Variants in RNF216 observed in about 807,000 individuals in gnomAD.
RNF216 encodes the protein ring finger protein 216.
Under a neutral mutation model 110.8 loss-of-function variants are expected in RNF216, and 72 were observed. The observed-to-expected ratio is 0.65, with a 90% CI of 0.54 to 0.79. The LOEUF is 0.79. RNF216 is among the 30% of genes least tolerant of loss of function. The pLI is 0.00. For missense variants in RNF216, 1,342 were observed against 1,141.2 expected, an observed-to-expected ratio of 1.18 and a Z score of -2.54; for synonymous variants, 495 against 407.5, an observed-to-expected ratio of 1.21 and a Z score of -2.59.
chr7:5,696,640 C>T lies in RNF216; in HGVS notation c.2061+15121G>A, dbSNP rs891787945. ...CCTCTTCCTTGGCTGCTGCCATCCTCGCTTTTGACTACTGCCCCACGTCTC... is the reference window on the plus strand; with the variant it reads ...CCTCTTCCTTGGCTGCTGCCATCCTTGCTTTTGACTACTGCCCCACGTCTC... On this transcript the variant is annotated intron_variant, in intron 13 of 16. Transcript: ENST00000389902. The surrounding 1 kb of genome is among the most constrained non-coding windows in gnomAD (Gnocchi z 5.4). Among the ~76,000 whole-genome samples, 8 of 152,196 alleles carry T rather than the reference C, an allele frequency of 5.3e-5. No homozygotes were observed. Among genetic ancestry groups the T allele is most frequent in the African/African-American group, 1.9e-4 (8 of 41,436 alleles).
chr7:5,738,364 T>A (rs1333984048), intron 5 of RNF216, among the ~76,000 whole-genome samples: 2 of 152,028 alleles, frequency 1.3e-5, no homozygotes, highest in African/African-American at 4.8e-5. Flanking sequence ...GTGCCAGAAT[T>A]AAAGGTGTGA....
chr7:5,775,555 C>T (rs1796726219), intron 1 of RNF216, among the ~76,000 whole-genome samples: 1 of 151,978 alleles, frequency 6.6e-6, no homozygotes, highest in African/African-American at 2.4e-5. Context: ...TGAGTTAATC[C>T]CTTTGACTTC....
At chr7:5,646,836 T>A (rs546041376) in intron 14 of RNF216, among the ~76,000 whole-genome samples, 1 of 152,112 alleles carries the variant, frequency 6.6e-6, no homozygotes, top group Non-Finnish European at 1.5e-5. Context: ...ATCTTTGCAG[T>A]TGGAGTACTC....
At chr7:5,663,586 G>GAAAAAA (rs35905773) in intron 13 of RNF216, among the ~76,000 whole-genome samples, 2 of 80,108 alleles carry the variant, frequency 2.5e-5, no homozygotes, top group Non-Finnish European at 4.6e-5. Context: ...TCCACCTCAG[G>GAAAAAA]AAAAAAAAAA....
At chr7:5,702,373 C>T (rs896848526) in intron 13 of RNF216, among the ~76,000 whole-genome samples, 1 of 152,050 alleles carries the variant, frequency 6.6e-6, no homozygotes, top group African/African-American at 2.4e-5. Context: ...TCCACAGGGC[C>T]AAGCAGAAAC....
Position 5,632,875 on chromosome 7 carries a change from C to T in RNF216, c.2382+8279G>A, listed in dbSNP as rs141362333. Among the ~76,000 whole-genome samples, 233 of 152,266 alleles carry T rather than the reference C, an allele frequency of 1.5e-3. 1 individual carries two copies. The highest frequency in any genetic ancestry group is 5.1e-3 in the African/African-American group (211 of 41,564). ...CCAATGAGTACCATGACGAAGCACA[C>T]GAATGGCACCACAGTGGGCAGTGCA... is the stretch of plus-strand genomic sequence containing the variant. On this transcript the variant is annotated intron_variant, in intron 15 of 16. Coordinates refer to ENST00000389902, the MANE Select transcript of RNF216 (RefSeq NM_207111.4).
intron 15 of RNF216, among the ~76,000 whole-genome samples, chr7:5,635,494 CAGG>C (rs1562775446): frequency 3.7e-4 from 56 of 152,204 alleles, no homozygotes; most frequent in African/African-American, 1.2e-3. Context: ...CTTTCCTTAC[CAGG>C]TTTCTGCGTT....
At chr7:5,749,150 T>C (rs1290098316) in intron 3 of RNF216, among the ~76,000 whole-genome samples, 2 of 1,274 alleles carry the variant, frequency 1.6e-3, no homozygotes, top group African/African-American at 6.4e-3. Context: ...TGCCCATGTA[T>C]TTTTTTTTTT....
intron 13 of RNF216, among the ~76,000 whole-genome samples, chr7:5,707,483 C>T (rs1051494818): frequency 2.6e-5 from 4 of 151,942 alleles, no homozygotes; most frequent in African/African-American, 9.7e-5. Flanking sequence ...ATTTTGTATC[C>T]TGCACCTTTA....
At chr7:5,629,360 G>A (rs1418196741) in intron 15 of RNF216, among the ~76,000 whole-genome samples, 5 of 152,026 alleles carry the variant, frequency 3.3e-5, no homozygotes, top group Admixed American at 3.3e-4. Context: ...GGCTATTTGT[G>A]GGGCTGAGGT....
chr7:5,737,750 A>G (rs1231829606), intron 5 of RNF216, among the ~76,000 whole-genome samples: 1 of 152,060 alleles, frequency 6.6e-6, no homozygotes, highest in Non-Finnish European at 1.5e-5. Context: ...ACTACAGTAT[A>G]AGATAGGAAC....
At chr7:5,732,221 T>G (rs1340013559) in intron 5 of RNF216, among the ~76,000 whole-genome samples, 1 of 152,288 alleles carries the variant, frequency 6.6e-6, no homozygotes, top group African/African-American at 2.4e-5. Context: ...TGCACTGAGG[T>G]TATGCAAACC....
chr7:5,644,253 AGCCAAC>A (rs1787916001), intron 14 of RNF216, among the ~76,000 whole-genome samples: 2 of 152,140 alleles, frequency 1.3e-5, no homozygotes, highest in Admixed American at 1.3e-4. Context: ...TATTGGGGAA[AGCCAAC>A]TGTTAACTAT....
At chr7:5,771,167 T>C (rs1796474285) in intron 1 of RNF216, among the ~76,000 whole-genome samples, 1 of 152,188 alleles carries the variant, frequency 6.6e-6, no homozygotes, top group African/African-American at 2.4e-5. Context: ...GTGGAAAACA[T>C]GACCTTTCTA....
chr7:5,667,786 C>A (rs1789623588), intron 13 of RNF216, among the ~76,000 whole-genome samples: 2 of 152,178 alleles, frequency 1.3e-5, no homozygotes, highest in African/African-American at 2.4e-5. Context: ...AAGCCTCCTT[C>A]CAGGTAGGAC....
At chr7:5,751,078 T>A (rs1795304544) in intron 3 of RNF216, among the ~76,000 whole-genome samples, 2 of 152,216 alleles carry the variant, frequency 1.3e-5, no homozygotes, top group South Asian at 4.1e-4. Context: ...TTACCCTCCT[T>A]AGAGTCCTAA....
At chr7:5,675,465 C>A (rs1790221665) in intron 13 of RNF216, among the ~76,000 whole-genome samples, 1 of 151,178 alleles carries the variant, frequency 6.6e-6, no homozygotes, top group Non-Finnish European at 1.5e-5. Flanking sequence ...AAGCAAGACA[C>A]CCTCTACGAA....
chr7:5,628,457 GTTT>G (rs555295636), intron 15 of RNF216, among the ~76,000 whole-genome samples: 1 of 151,954 alleles, frequency 6.6e-6, no homozygotes, highest in Non-Finnish European at 1.5e-5. Flanking sequence ...CAACTTAAAA[GTTT>G]TTTTTCTTTT....
intron 9 of RNF216, 27 bp downstream of exon 9, chr7:5,721,006 C>T: frequency 6.2e-7 from 1 of 1,612,704 alleles, no homozygotes. Context: ...CAGAAACACA[C>T]CCCAAGACCA....
Sources: gnomAD v4.1 joint callset for allele counts (sites outside exome capture counted in the v4.1 genomes callset) on GRCh38, gnomAD v4.1.1 for gene constraint, Gnocchi (gnomAD v3.1) non-coding constraint, MANE v1.5 for transcripts, NCBI Gene and HGNC (gene_info 2026-07-23, HGNC 2026-07-21) for gene names.